The following UBE2K variants were observed in gnomAD, a reference collection of about 807,000 sequenced individuals.
The protein encoded by UBE2K is ubiquitin-conjugating enzyme E2 K.
UBE2K carries 6 observed loss-of-function variants against 30.0 expected under a neutral mutation model. That is an observed-to-expected ratio of 0.20 (90% CI 0.11 to 0.39). UBE2K has a LOEUF of 0.39. Among genes scored for constraint, UBE2K ranks in the 10% least tolerant of loss-of-function variants. The probability of loss-of-function intolerance (pLI) is 1.00; values close to 1 mark genes in which losing one functional copy is unlikely to be tolerated. For synonymous variants in UBE2K, 86 were observed against 83.7 expected (o/e 1.03, Z -0.15); for missense variants, 61 against 241.6 (o/e 0.25, Z 4.96).
chr4:39,728,914 G>A (rs1719918317), intron 1 of UBE2K, among the ~76,000 whole-genome samples: 1 of 146,974 alleles, frequency 6.8e-6, no homozygotes, highest in Non-Finnish European at 1.5e-5. Flanking sequence ...TGATCCACCC[G>A]CCTCGGCCTC....
chr4:39,735,887 T>TA (rs949290087), intron 1 of UBE2K, among the ~76,000 whole-genome samples: 1 of 152,220 alleles, frequency 6.6e-6, no homozygotes, highest in Non-Finnish European at 1.5e-5. Context: ...ATGTTTTTAT[T>TA]AAAAAACAGG....
At chr4:39,737,382 C>G in intron 1 of UBE2K, 38 bp from the exon 2 acceptor site, 1 of 1,348,342 alleles carries the variant, frequency 7.4e-7, no homozygotes. Flanking sequence ...GTTTTTCTTG[C>G]TGACATAACT....
chr4:39,744,233 C>T (rs1214936276), intron 2 of UBE2K, among the ~76,000 whole-genome samples: 1 of 151,810 alleles, frequency 6.6e-6, no homozygotes, highest in African/African-American at 2.4e-5. Context: ...TGTGAAGTGG[C>T]ACAATCTGGG....
In UBE2K at chr4:39,781,617, A is replaced by C. The variant is rs1365308882; in HGVS notation, c.*3183A>C. 4.3e-5 allele frequency: 11 copies of C among 257,008 alleles called. No homozygotes were observed. Among genetic ancestry groups the C allele is most frequent in the Non-Finnish European group, 6.6e-5 (9 of 136,802 alleles). The allele number at this position is 257,008 out of a possible 1,614,324, so 15.9% of individuals were successfully genotyped here. On this transcript the variant is annotated 3_prime_UTR_variant, in exon 7 of 7. Coordinates refer to ENST00000261427, the MANE Select transcript of UBE2K (RefSeq NM_005339.5). Reference sequence around the variant, plus strand: ...CTATGTAGCAAAATAGGAAATTATGAATTTTTGTTGTTATTGTTTTAAAGA... The same window carrying C: ...CTATGTAGCAAAATAGGAAATTATGCATTTTTGTTGTTATTGTTTTAAAGA...
chr4:39,743,769 A>G (rs547772729), intron 2 of UBE2K, among the ~76,000 whole-genome samples: 25 of 152,318 alleles, frequency 1.6e-4, no homozygotes, highest in Middle Eastern at 3.4e-3. Flanking sequence ...ATATTTTGTA[A>G]TAGTATTCTA....
chr4:39,715,894 G>A (rs1719033951), intron 1 of UBE2K, among the ~76,000 whole-genome samples: 1 of 151,726 alleles, frequency 6.6e-6, no homozygotes, highest in Non-Finnish European at 1.5e-5. Flanking sequence ...GTTTTTAAAA[G>A]TTAATTCATT....
rs867142630 is a variant in UBE2K at position 39,714,540 on chromosome 4, A to T, written c.63+16150A>T. The T allele has an allele frequency of 3.6e-3, 73 of 20,544 alleles. 2 individuals carry two copies. The East Asian group carries it at 0.039, about 11-fold the overall frequency. The allele number at this position is 20,544 out of a possible 1,614,324, so 1.3% of individuals were successfully genotyped here. On this transcript the variant is annotated intron_variant, in intron 1 of 6. Transcript: ENST00000261427. ...TTCATATATATATATATATATATAT[A>T]TATATATATATTTTTTTTTTTTTTT...
chr4:39,722,793 TTC>T (rs200247384), intron 1 of UBE2K, among the ~76,000 whole-genome samples: 29 of 142,736 alleles, frequency 2.0e-4, no homozygotes, highest in Middle Eastern at 3.7e-3. Flanking sequence ...TATTCTCTTT[TTC>T]TCTCTTTTTT....
At chr4:39,773,583 C>A (rs1369762495) in intron 4 of UBE2K, among the ~76,000 whole-genome samples, 1 of 152,086 alleles carries the variant, frequency 6.6e-6, no homozygotes, top group African/African-American at 2.4e-5. Context: ...ATCACTTTAA[C>A]TTTGTTTAGA....
intron 4 of UBE2K, among the ~76,000 whole-genome samples, chr4:39,758,900 A>G (rs1711675719): frequency 6.6e-6 from 1 of 152,186 alleles, no homozygotes; most frequent in Admixed American, 6.6e-5. Flanking sequence ...TTTTACATCA[A>G]CTATTCCCTT....
chr4:39,714,517 C>CATATACATATAT (rs1718898561), intron 1 of UBE2K: 1 of 41,620 alleles, frequency 2.4e-5, no homozygotes, highest in African/African-American at 1.3e-4. Context: ...TTAGAAGTTT[C>CATATACATATAT]ATATATATAT....
chr4:39,735,855 A>C (rs919632516), intron 1 of UBE2K, among the ~76,000 whole-genome samples: 2 of 152,226 alleles, frequency 1.3e-5, no homozygotes, highest in Non-Finnish European at 2.9e-5. Flanking sequence ...AGTACTAATT[A>C]GAAAGTAAGT....
At chr4:39,728,325 T>C (rs1261798320) in intron 1 of UBE2K, among the ~76,000 whole-genome samples, 1 of 152,064 alleles carries the variant, frequency 6.6e-6, no homozygotes, top group Admixed American at 6.6e-5. Flanking sequence ...TATATAGATA[T>C]TGAGCTGGGA....
At chr4:39,722,737 T>C (rs73808491) in intron 1 of UBE2K, among the ~76,000 whole-genome samples, 2,555 of 151,708 alleles carry the variant, frequency 0.017, 79 homozygotes, top group African/African-American at 0.059. Context: ...GATTTTTTTT[T>C]CCTCATAAAT....
intron 5 of UBE2K, among the ~76,000 whole-genome samples, chr4:39,775,819 TAGAA>T (rs1713252638): frequency 1.3e-5 from 2 of 152,166 alleles, no homozygotes; most frequent in South Asian, 4.1e-4. Context: ...TTTTTAAACT[TAGAA>T]AGTTTTTCTT....
intron 1 of UBE2K, among the ~76,000 whole-genome samples, chr4:39,703,900 A>G (rs535777852): frequency 1.2e-4 from 18 of 151,946 alleles, no homozygotes; most frequent in East Asian, 3.9e-4. Flanking sequence ...GATGTGTAAG[A>G]TAATTTATCT....
intron 4 of UBE2K, among the ~76,000 whole-genome samples, chr4:39,768,305 C>T (rs1458928636): frequency 6.9e-6 from 1 of 145,838 alleles, no homozygotes; most frequent in Non-Finnish European, 1.5e-5. Flanking sequence ...ATCAGCCAGG[C>T]ATGGTAGCAG....
intron 1 of UBE2K, among the ~76,000 whole-genome samples, chr4:39,735,083 G>A (rs1720303506): frequency 6.6e-6 from 1 of 152,238 alleles, no homozygotes; most frequent in Admixed American, 6.5e-5. Context: ...GATTATTCCT[G>A]TAAGAAGCCT....
intron 4 of UBE2K, chr4:39,770,469 T>G: frequency 6.2e-7 from 1 of 1,611,228 alleles, no homozygotes; most frequent in Non-Finnish European, 8.5e-7. Flanking sequence ...CTTGATGTTC[T>G]TTAAGGGGTT....
Sources: gnomAD v4.1 joint callset for allele counts (sites outside exome capture counted in the v4.1 genomes callset) on GRCh38, gnomAD v4.1.1 for gene constraint, MANE v1.5 for transcripts, NCBI Gene and HGNC (gene_info 2026-07-23, HGNC 2026-07-21) for gene names.